BBS9: variants seen among roughly 807,000 people sequenced by gnomAD.
BBS9 encodes the protein protein PTHB1.
In BBS9, 89 loss-of-function variants were observed where a neutral mutation model predicts 117.7. That is an observed-to-expected ratio of 0.76 (90% confidence interval 0.64 to 0.90). BBS9 has a LOEUF of 0.90. Among genes scored for constraint, BBS9 ranks in the 40% least tolerant of loss-of-function variants. The pLI, the probability that BBS9 is intolerant of heterozygous loss-of-function variation, is 0.00. For synonymous variants in BBS9, 379 were observed against 370.9 expected (o/e 1.02, Z -0.25); for missense variants, 982 against 1,042.2 (o/e 0.94, Z 0.80).
intron 17 of BBS9, among the ~76,000 whole-genome samples, chr7:33,375,896 A>G (rs528698473): frequency 3.4e-4 from 51 of 152,148 alleles, no homozygotes; most frequent in Middle Eastern, 6.8e-3. Context: ...CTAATGGTAA[A>G]TTTTTTATTC....
intron 19 of BBS9, among the ~76,000 whole-genome samples, chr7:33,388,384 G>A (rs888530051): frequency 2.0e-5 from 3 of 152,036 alleles, no homozygotes; most frequent in Non-Finnish European, 4.4e-5. Flanking sequence ...ATTACCTCCC[G>A]GAGTTGTTGT....
At chr7:33,361,558 C>T (rs560948554) in intron 16 of BBS9, among the ~76,000 whole-genome samples, 29 of 152,158 alleles carry the variant, frequency 1.9e-4, no homozygotes, top group East Asian at 3.9e-4. Context: ...AAGGTTCATG[C>T]GCATGATAGC....
chr7:33,376,895 CT>C (rs993798555), intron 17 of BBS9, among the ~76,000 whole-genome samples: 2 of 150,500 alleles, frequency 1.3e-5, no homozygotes, highest in East Asian at 2.0e-4. Flanking sequence ...AATGGGGTTG[CT>C]TTTTTTTTCT....
chr7:33,370,400 G>T (rs1010592189), intron 17 of BBS9, among the ~76,000 whole-genome samples: 2 of 152,084 alleles, frequency 1.3e-5, no homozygotes, highest in Admixed American at 6.5e-5. Flanking sequence ...AGCCCAGGAG[G>T]TTGAGGCTGC....
At chr7:33,439,234 C>T (rs1018467488) in intron 19 of BBS9, among the ~76,000 whole-genome samples, 1 of 152,144 alleles carries the variant, frequency 6.6e-6, no homozygotes, top group Non-Finnish European at 1.5e-5. Flanking sequence ...TATTTGCTCT[C>T]TCCTTTTGGA....
chr7:33,230,294 C>CT (rs1368172557), intron 5 of BBS9, among the ~76,000 whole-genome samples: 4 of 152,118 alleles, frequency 2.6e-5, no homozygotes, highest in Admixed American at 6.6e-5. Flanking sequence ...GTGGCCTTCT[C>CT]TTTTGGTGTG....
At position 33,397,455 on chromosome 7, in the gene BBS9, A is replaced by G. The variant is rs546287975; in HGVS notation, c.2115+9311A>G. The stretch of plus-strand genomic sequence containing the variant: ...GGCAGAAATACCATTTGACCGAGCA[A>G]TCCCATTACTGAGTATATACCCAAA... On this transcript the variant is annotated intron_variant, in intron 19 of 22. Coordinates refer to ENST00000242067, the MANE Select transcript of BBS9 (RefSeq NM_198428.3). 5.9e-5 allele frequency among the ~76,000 whole-genome samples: 9 copies of G among 152,308 alleles called. No homozygotes were observed. The South Asian group carries it at 1.0e-3, about 18-fold the overall frequency.
intron 21 of BBS9, among the ~76,000 whole-genome samples, chr7:33,569,351 T>C (rs1463939982): frequency 6.6e-6 from 1 of 152,042 alleles, no homozygotes; most frequent in Non-Finnish European, 1.5e-5. Context: ...CCCTGTAGTA[T>C]CAAACTCAAT....
chr7:33,572,238 G>A (rs757293371), intron 21 of BBS9, among the ~76,000 whole-genome samples: 7 of 151,998 alleles, frequency 4.6e-5, no homozygotes, highest in Admixed American at 1.3e-4. Context: ...TTAACGTAAT[G>A]TCCTGTAGTT....
chr7:33,391,302 T>TTTAAAATTAGATTTGCTAGA (rs2128765157), intron 19 of BBS9, among the ~76,000 whole-genome samples: 1 of 152,334 alleles, frequency 6.6e-6, no homozygotes, highest in East Asian at 1.9e-4. Context: ...TTTTAAAGTC[T>TTTAAAATTAGATTTGCTAGA]TTTCCCAACG....
chr7:33,443,499 A>G (rs1218918431), intron 19 of BBS9, among the ~76,000 whole-genome samples: 4 of 152,134 alleles, frequency 2.6e-5, no homozygotes, highest in East Asian at 1.9e-4. Flanking sequence ...CAATATATCA[A>G]TTGTACATGC....
intron 9 of BBS9, among the ~76,000 whole-genome samples, chr7:33,306,968 G>C (rs1406948502): frequency 1.4e-5 from 2 of 147,898 alleles, no homozygotes; most frequent in African/African-American, 2.4e-5. Context: ...ATATTTGCAG[G>C]AACATTGTAT....
intron 21 of BBS9, among the ~76,000 whole-genome samples, chr7:33,633,109 A>C (rs1447104971): frequency 6.6e-6 from 1 of 152,196 alleles, no homozygotes; most frequent in African/African-American, 2.4e-5. Context: ...ACTTGCCCCA[A>C]ATACTTAATC....
At chr7:33,344,242 C>T (rs909745213) in intron 11 of BBS9, among the ~76,000 whole-genome samples, 19 of 151,402 alleles carry the variant, frequency 1.3e-4, no homozygotes, top group Middle Eastern at 3.4e-3. Flanking sequence ...CCACCGGGCC[C>T]GGCTAATTTT....
Position 33,605,318 on chromosome 7 carries a change from CA to C in BBS9, c.*93del. ...GCCAAGCACAGATATAGGGCTGGCG[CA>C]GGTGCTTCCTAAAGCTCACCTTCCT... On this transcript the variant is annotated 3_prime_UTR_variant, in exon 23 of 23. Coordinates refer to ENST00000242067, the MANE Select transcript of BBS9 (RefSeq NM_198428.3). 7.4e-7 allele frequency: 1 copy of C among 1,357,076 alleles called. No homozygotes were observed. Among genetic ancestry groups the C allele is most frequent in the East Asian group, 2.3e-5 (1 of 43,612 alleles). The allele number at this position is 1,357,076 out of a possible 1,614,324, so 84.1% of individuals were successfully genotyped here.
chr7:33,278,951 C>T (rs987066052), intron 9 of BBS9, among the ~76,000 whole-genome samples: 1 of 152,196 alleles, frequency 6.6e-6, no homozygotes, highest in African/African-American at 2.4e-5. Flanking sequence ...CTAGCCATAC[C>T]ATGTGGGAGA....
chr7:33,243,248 T>C (rs867071441), intron 5 of BBS9, among the ~76,000 whole-genome samples: 1 of 152,210 alleles, frequency 6.6e-6, no homozygotes, highest in African/African-American at 2.4e-5. Flanking sequence ...TTGTATGACA[T>C]TGGAGCTCAG....
At chr7:33,385,185 T>C (rs1825792911) in intron 18 of BBS9, among the ~76,000 whole-genome samples, 1 of 152,186 alleles carries the variant, frequency 6.6e-6, no homozygotes, top group African/African-American at 2.4e-5. Flanking sequence ...TAATTTTCCC[T>C]TTATACTTTC....
chr7:33,294,463 A>G (rs1368427828), intron 9 of BBS9, among the ~76,000 whole-genome samples: 1 of 152,086 alleles, frequency 6.6e-6, no homozygotes, highest in Non-Finnish European at 1.5e-5. Flanking sequence ...GTGGCTTGCC[A>G]GAGAGGGCAG....
Sources: gnomAD v4.1 joint callset for allele counts (sites outside exome capture counted in the v4.1 genomes callset) on GRCh38, gnomAD v4.1.1 for gene constraint, MANE v1.5 for transcripts, NCBI Gene and HGNC (gene_info 2026-07-23, HGNC 2026-07-21) for gene names.